Variants in PTPRT observed in about 807,000 individuals in gnomAD.
The protein encoded by PTPRT is protein tyrosine phosphatase receptor type T, also known as receptor-type tyrosine-protein phosphatase T.
In PTPRT, 56 loss-of-function variants were observed where a neutral mutation model predicts 176.8. The ratio of observed to expected loss-of-function variants is 0.32; its 90% CI spans 0.26 to 0.40. PTPRT has a LOEUF of 0.40. PTPRT is among the 10% of genes least tolerant of loss of function. PTPRT has a pLI of 1.00. For synonymous variants in PTPRT, 783 were observed against 739.0 expected, an observed-to-expected ratio of 1.06 and a Z score of -0.96; for missense variants, 1,540 against 1,908.2, an observed-to-expected ratio of 0.81 and a Z score of 3.60.
At chr20:42,775,326 G>A (rs995290437) in intron 4 of PTPRT, among the ~76,000 whole-genome samples, 2 of 152,330 alleles carry the variant, frequency 1.3e-5, no homozygotes, top group African/African-American at 4.8e-5. Context: ...TGTGGAGAAA[G>A]CCCAGTACGC....
At chr20:42,847,762 G>A (rs899233478) in intron 2 of PTPRT, among the ~76,000 whole-genome samples, 1 of 152,200 alleles carries the variant, frequency 6.6e-6, no homozygotes, top group Admixed American at 6.5e-5. Flanking sequence ...TTCACCTTGA[G>A]ACTGTTTAGA....
intron 1 of PTPRT, among the ~76,000 whole-genome samples, chr20:43,083,548 G>A (rs960193605): frequency 6.6e-6 from 1 of 150,992 alleles, no homozygotes; most frequent in Non-Finnish European, 1.5e-5. Context: ...TAATAGGGAC[G>A]GGGTTTCACC....
intron 1 of PTPRT, among the ~76,000 whole-genome samples, chr20:42,995,591 T>C (rs527931646): frequency 1.0e-3 from 153 of 152,242 alleles, no homozygotes; most frequent in Non-Finnish European, 1.9e-3. Flanking sequence ...AGCACCCCTG[T>C]ACTGAGCACA....
chr20:42,270,379 C>CCGGGG, intron 13 of PTPRT: 7 of 1,541,508 alleles, frequency 4.5e-6, no homozygotes, highest in Non-Finnish European at 5.3e-6. Flanking sequence ...CCCACCCGCC[C>CCGGGG]AGGGCTCTGG....
intron 27 of PTPRT, among the ~76,000 whole-genome samples, chr20:42,096,624 T>G (rs867531520): frequency 6.6e-6 from 1 of 152,154 alleles, no homozygotes; most frequent in Non-Finnish European, 1.5e-5. Flanking sequence ...GTTCTTGCAC[T>G]GTCACCCAGG....
At chr20:42,827,129 A>G (rs1289803132) in intron 2 of PTPRT, among the ~76,000 whole-genome samples, 1 of 152,120 alleles carries the variant, frequency 6.6e-6, no homozygotes, top group Non-Finnish European at 1.5e-5. Context: ...CCCCACTGAG[A>G]GTATCAGACA....
intron 9 of PTPRT, among the ~76,000 whole-genome samples, chr20:42,396,533 G>A (rs970867858): frequency 2.0e-5 from 3 of 152,058 alleles, no homozygotes; most frequent in Admixed American, 1.3e-4. Context: ...CTTGGAACAC[G>A]CTAACCAGTC....
intron 7 of PTPRT, among the ~76,000 whole-genome samples, chr20:42,547,262 G>A (rs1303018642): frequency 2.0e-5 from 3 of 152,070 alleles, no homozygotes; most frequent in Non-Finnish European, 4.4e-5. Flanking sequence ...GAAAAGTTCA[G>A]AAAAGTGGAA....
At chr20:42,613,939 C>T (rs537646037) in intron 7 of PTPRT, among the ~76,000 whole-genome samples, 3 of 139,106 alleles carry the variant, frequency 2.2e-5, no homozygotes, top group African/African-American at 8.2e-5. Context: ...ATATACATCC[C>T]TTGTGTATGA....
intron 15 of PTPRT, among the ~76,000 whole-genome samples, chr20:42,222,507 G>A (rs1056876990): frequency 1.3e-5 from 2 of 152,130 alleles, no homozygotes; most frequent in East Asian, 3.9e-4. Flanking sequence ...ATCTTCCCCT[G>A]TCTTTCTGAT....
chr20:42,542,078 C>A (rs1054364661), intron 7 of PTPRT, among the ~76,000 whole-genome samples: 26 of 152,178 alleles, frequency 1.7e-4, no homozygotes, highest in African/African-American at 5.8e-4. Context: ...AGTTCCCCTG[C>A]ACATGCTCTC....
rs370115681 is a variant in PTPRT at position 42,288,770 on chromosome 20, C to T, written c.2140-6245G>A. On this transcript the variant is annotated intron_variant, in intron 12 of 30. Transcript: ENST00000373187. ...TTTTCTTTATCCAACCCACCACTAACGGGCACCTAGGTTGATTCCATGTCT... is the reference window on the plus strand; with the variant it reads ...TTTTCTTTATCCAACCCACCACTAATGGGCACCTAGGTTGATTCCATGTCT... Among the ~76,000 whole-genome samples the T allele has an allele frequency of 3.9e-5, 6 of 152,028 alleles. No homozygotes were observed. In the South Asian group the frequency reaches 6.2e-4, roughly 16 times the overall value.
At chr20:42,040,821 G>GA in the PTPRT span, among the ~76,000 whole-genome samples, 1 of 152,204 alleles carries the variant, frequency 6.6e-6, no homozygotes. Flanking sequence ...CAGAGCTTTA[G>GA]AAACACATCA....
At chr20:42,177,342 A>G (rs896784049) in intron 16 of PTPRT, among the ~76,000 whole-genome samples, 38 of 152,230 alleles carry the variant, frequency 2.5e-4, no homozygotes, top group Non-Finnish European at 5.9e-5. Flanking sequence ...AATTTCTCTT[A>G]AAAAAGCAAA....
At chr20:42,146,227 A>T (rs1013749031) in intron 17 of PTPRT, among the ~76,000 whole-genome samples, 1 of 152,114 alleles carries the variant, frequency 6.6e-6, no homozygotes, top group South Asian at 2.1e-4. Flanking sequence ...TGCTGCTCTC[A>T]GTGGTAGCAC....
rs149803688 is a variant in PTPRT, at chr20:42,433,058, G to A, written c.1560+15162C>T. Among the ~76,000 whole-genome samples the A allele has an allele frequency of 4.5e-3, 679 of 152,272 alleles. 5 individuals carry two copies. Among genetic ancestry groups the A allele is most frequent in the African/African-American group, 0.016 (653 of 41,528 alleles). On this transcript the variant is annotated intron_variant, in intron 9 of 30. Transcript: ENST00000373187. ...ACCATGTTGAGTTCAGTCATGAGAT[G>A]GGTGGGACTCTGACACGGACATGTC...
At chr20:42,524,738 A>T (rs949955237) in intron 7 of PTPRT, among the ~76,000 whole-genome samples, 2 of 152,124 alleles carry the variant, frequency 1.3e-5, no homozygotes, top group African/African-American at 4.8e-5. Flanking sequence ...TACTTACAGA[A>T]TACATATGTG....
chr20:42,420,049 T>C (rs561539468), intron 9 of PTPRT, among the ~76,000 whole-genome samples: 1 of 152,270 alleles, frequency 6.6e-6, no homozygotes, highest in Non-Finnish European at 1.5e-5. Context: ...ACCTCGATTT[T>C]GATTTCTGAA....
chr20:42,706,771 G>A (rs192638346), intron 6 of PTPRT, among the ~76,000 whole-genome samples: 2 of 152,112 alleles, frequency 1.3e-5, no homozygotes, highest in East Asian at 3.9e-4. Flanking sequence ...ACAGCATATT[G>A]TCATATAATT....
Sources: allele counts gnomAD v4.1 joint callset (sites outside exome capture counted in the v4.1 genomes callset), GRCh38; gene constraint gnomAD v4.1.1; transcripts MANE v1.5; gene names NCBI Gene and HGNC (gene_info 2026-07-23, HGNC 2026-07-21).